PCDH11Y: variants seen among roughly 807,000 people sequenced by gnomAD.
PCDH11Y encodes protocadherin 11 Y-linked.
For missense variants in PCDH11Y, 12 were observed against 224.8 expected (o/e 0.05, Z 6.05); for synonymous variants, 9 against 83.6 (o/e 0.11, Z 4.87).
intron 2 of PCDH11Y, among the ~76,000 whole-genome samples, chrY:5,313,636 ACATCT>A (rs2053104123): frequency 6.0e-3 from 183 of 30,433 alleles, no homozygotes; most frequent in Admixed American, 0.015. Flanking sequence ...GGATGTAGAA[ACATCT>A]CATCTGTGAA....
At chrY:5,161,958 A>T in intron 2 of PCDH11Y, among the ~76,000 whole-genome samples, 1 of 31,470 alleles carries the variant, frequency 3.2e-5, no homozygotes, top group Non-Finnish European at 7.8e-5. Flanking sequence ...GAGAAAGATA[A>T]TCCAGGTGGA....
intron 2 of PCDH11Y, among the ~76,000 whole-genome samples, chrY:5,427,251 G>A: frequency 9.1e-5 from 3 of 33,106 alleles, no homozygotes; most frequent in African/African-American, 3.5e-4. Context: ...TTAATGGCTA[G>A]ATTATTATGT....
intron 1 of PCDH11Y, among the ~76,000 whole-genome samples, chrY:5,064,829 C>T: frequency 3.6e-5 from 1 of 27,692 alleles, no homozygotes. Flanking sequence ...CTACCTTAGC[C>T]TCCCGAGTAG....
intron 2 of PCDH11Y, among the ~76,000 whole-genome samples, chrY:5,304,061 C>T: frequency 3.1e-5 from 1 of 32,053 alleles, no homozygotes; most frequent in African/African-American, 1.2e-4. Flanking sequence ...TGACTGAGAC[C>T]CCCTTGAATG....
At chrY:5,429,937 T>C in intron 2 of PCDH11Y, among the ~76,000 whole-genome samples, 1 of 32,709 alleles carries the variant, frequency 3.1e-5, no homozygotes, top group Non-Finnish European at 7.5e-5. Context: ...CCCAAAGTAC[T>C]GGGATTATAG....
intron 2 of PCDH11Y, among the ~76,000 whole-genome samples, chrY:5,429,659 G>A (rs2053266620): frequency 3.0e-5 from 1 of 32,825 alleles, no homozygotes; most frequent in Non-Finnish European, 7.4e-5. Flanking sequence ...TGATAGAAAT[G>A]ATCAAATTAT....
At chrY:5,141,501 G>T in intron 2 of PCDH11Y, among the ~76,000 whole-genome samples, 1 of 31,295 alleles carries the variant, frequency 3.2e-5, no homozygotes, top group African/African-American at 1.3e-4. Context: ...ATCCTCTCCA[G>T]CACCTGTTGT....
intron 2 of PCDH11Y, among the ~76,000 whole-genome samples, chrY:5,494,784 C>T (rs1410575645): frequency 1.8e-4 from 6 of 33,364 alleles, no homozygotes; most frequent in Non-Finnish European, 3.0e-4. Context: ...AGCAGTGGCT[C>T]ACGCCTGTAA....
At chrY:5,273,311 C>T in intron 2 of PCDH11Y, among the ~76,000 whole-genome samples, 1 of 33,356 alleles carries the variant, frequency 3.0e-5, no homozygotes, top group Non-Finnish European at 7.4e-5. Context: ...ACTTAAACTC[C>T]GTATTTGAAG....
chrY:5,278,240 G>A (rs2053047021), intron 2 of PCDH11Y, among the ~76,000 whole-genome samples: 1 of 26,192 alleles, frequency 3.8e-5, no homozygotes, highest in Non-Finnish European at 8.6e-5. Context: ...AGCCTCTGCC[G>A]CCCAGGTTCA....
intron 2 of PCDH11Y, among the ~76,000 whole-genome samples, chrY:5,449,393 T>C: frequency 6.0e-5 from 2 of 33,140 alleles, no homozygotes; most frequent in African/African-American, 2.4e-4. Flanking sequence ...CAGTTCCAAA[T>C]GAACACCAAA....
At chrY:5,524,895 G>A (rs1602937944) in intron 3 of PCDH11Y, among the ~76,000 whole-genome samples, 1 of 31,248 alleles carries the variant, frequency 3.2e-5, no homozygotes, top group Non-Finnish European at 7.7e-5. Flanking sequence ...GAAAGGACAT[G>A]AACTCATTCT....
At chrY:5,593,202 T>G in intron 4 of PCDH11Y, among the ~76,000 whole-genome samples, 4 of 32,855 alleles carry the variant, frequency 1.2e-4, no homozygotes, top group Non-Finnish European at 2.2e-4. Context: ...TTTTATGTAT[T>G]CCTTTTAATT....
chrY:5,573,819 A>G, intron 3 of PCDH11Y: 1 of 231,239 alleles, frequency 4.3e-6, no homozygotes, highest in South Asian at 3.4e-5. Flanking sequence ...ACAAGCCCAG[A>G]TTGCCAGCTT....
chrY:5,229,501 G>C, intron 2 of PCDH11Y, among the ~76,000 whole-genome samples: 1 of 30,234 alleles, frequency 3.3e-5, no homozygotes, highest in Non-Finnish European at 7.8e-5. Flanking sequence ...ATTTTTAGTA[G>C]AGACGGGTTT....
chrY:5,580,382 T>A, intron 3 of PCDH11Y, among the ~76,000 whole-genome samples: 1 of 31,381 alleles, frequency 3.2e-5, no homozygotes, highest in African/African-American at 1.2e-4. Flanking sequence ...ATTACTTTTC[T>A]GTTTAAAGCA....
chrY:5,400,515 A>C, intron 2 of PCDH11Y, among the ~76,000 whole-genome samples: 2 of 33,487 alleles, frequency 6.0e-5, no homozygotes, highest in African/African-American at 1.2e-4. Flanking sequence ...GCTTCTCATC[A>C]ATGAGCCCAG....
chrY:5,098,139 T>G (rs2124635277), intron 1 of PCDH11Y, 76 bp from the exon 3 acceptor site: 1 of 291,223 alleles, frequency 3.4e-6, no homozygotes, highest in East Asian at 1.5e-4. Context: ...TAAATTATAT[T>G]TTATTATTCA....
At chrY:5,656,885 A>T in intron 4 of PCDH11Y, among the ~76,000 whole-genome samples, 1 of 32,896 alleles carries the variant, frequency 3.0e-5, no homozygotes, top group African/African-American at 1.2e-4. Flanking sequence ...CCAAAAAAAA[A>T]CCAGACATAT....
Sources: allele counts gnomAD v4.1 joint callset (sites outside exome capture counted in the v4.1 genomes callset), GRCh38; gene constraint gnomAD v4.1.1; transcripts MANE v1.5; gene names NCBI Gene and HGNC (gene_info 2026-07-23, HGNC 2026-07-21).